The following CCDC6 variants were observed in gnomAD, a reference collection of about 807,000 sequenced individuals.
CCDC6 encodes the protein coiled-coil domain-containing protein 6.
A neutral mutation model predicts 56.6 loss-of-function variants in CCDC6; 20 were observed. The ratio of observed to expected loss-of-function variants is 0.35; its 90% CI spans 0.25 to 0.51. The LOEUF (loss-of-function observed/expected upper bound fraction) is 0.51, where lower values mean the gene tolerates loss of function less well. Ranked by LOEUF, CCDC6 falls within the 20% of genes least tolerant of loss-of-function variation. The pLI is 0.95. For missense variants in CCDC6, 367 were observed against 601.1 expected, an observed-to-expected ratio of 0.61 and a Z score of 4.07; for synonymous variants, 241 against 234.4, an observed-to-expected ratio of 1.03 and a Z score of -0.26.
Position 59,806,999 on chromosome 10 carries a change from C to A in CCDC6, c.927G>T (p.Gln309His), listed in dbSNP as rs778654666. ...EENLRLQRKL[Q>H]REMERREALC... ...GGGCTTCTCTTCTCTCCATCTCCCT[C>A]TGCAGCTTCCTCTGGAGCCTCAAGT... Residue 309 changes from glutamine to histidine, a missense_variant, in exon 6 of 9, where the codon CAG (glutamine) becomes CAT (histidine). Transcript: ENST00000263102. 1 of 1,614,048 alleles carries A rather than the reference C, an allele frequency of 6.2e-7. No individual in the cohort carries two copies. The highest frequency in any genetic ancestry group is 8.5e-7 in the Non-Finnish European group (1 of 1,179,938).
intron 2 of CCDC6, among the ~76,000 whole-genome samples, chr10:59,844,358 G>A (rs2070969948): frequency 6.6e-6 from 1 of 150,434 alleles, no homozygotes; most frequent in Non-Finnish European, 1.5e-5. Context: ...GAGTTTCCTG[G>A]ATTTCCAGGA....
chr10:59,841,680 T>G (rs182084555), intron 2 of CCDC6, among the ~76,000 whole-genome samples: 11 of 152,162 alleles, frequency 7.2e-5, no homozygotes, highest in Middle Eastern at 3.4e-3. Context: ...TGTTTGTTTT[T>G]TTTTTTTGAG....
intron 5 of CCDC6, among the ~76,000 whole-genome samples, chr10:59,808,998 A>T (rs2070650924): frequency 6.6e-6 from 1 of 152,246 alleles, no homozygotes; most frequent in African/African-American, 2.4e-5. Flanking sequence ...TCTAATCCAG[A>T]CACAAAAATC....
intron 1 of CCDC6, among the ~76,000 whole-genome samples, chr10:59,892,915 C>A (rs992623365): frequency 8.6e-5 from 13 of 151,802 alleles, no homozygotes; most frequent in Non-Finnish European, 2.9e-5. Context: ...ATCCCGCTGC[C>A]CAGCACCAAT....
intron 1 of CCDC6, among the ~76,000 whole-genome samples, chr10:59,872,479 C>T (rs753187223): frequency 6.6e-5 from 10 of 152,150 alleles, no homozygotes; most frequent in Non-Finnish European, 1.5e-4. Context: ...CTTGCTCGTG[C>T]GAAGGTGTCC....
intron 2 of CCDC6, among the ~76,000 whole-genome samples, chr10:59,840,001 T>C (rs2070922552): frequency 6.6e-6 from 1 of 152,170 alleles, no homozygotes; most frequent in Admixed American, 6.5e-5. Context: ...AATTTTTCTA[T>C]TTTTAGTAGA....
intron 2 of CCDC6, among the ~76,000 whole-genome samples, chr10:59,833,832 A>G (rs1461782558): frequency 6.6e-6 from 1 of 152,190 alleles, no homozygotes; most frequent in African/African-American, 2.4e-5. Flanking sequence ...GGTTCTTCAC[A>G]TGCATTTAGA....
rs574852710 is a variant in CCDC6, at chr10:59,834,166, T to C, written c.454-1513A>G. ...GAGGCAAGCCTGATCATCCTCAAAATGGCTACAAGTAACACTCTCCACATT... is the reference window on the plus strand; with the variant it reads ...GAGGCAAGCCTGATCATCCTCAAAACGGCTACAAGTAACACTCTCCACATT... On this transcript the variant is annotated intron_variant, in intron 2 of 8. Coordinates refer to ENST00000263102, the MANE Select transcript of CCDC6 (RefSeq NM_005436.5). Among the ~76,000 whole-genome samples the C allele has an allele frequency of 2.0e-5, 3 of 152,116 alleles. No individual in the cohort carries two copies. In the East Asian group the frequency reaches 5.8e-4, roughly 29 times the overall value.
chr10:59,810,037 T>C (rs1035256888), intron 5 of CCDC6, among the ~76,000 whole-genome samples: 1 of 152,186 alleles, frequency 6.6e-6, no homozygotes, highest in African/African-American at 2.4e-5. Flanking sequence ...CCCAAGCCAA[T>C]TCAGTCAGAA....
At chr10:59,824,896 T>G (rs1449131689) in intron 3 of CCDC6, among the ~76,000 whole-genome samples, 1 of 152,238 alleles carries the variant, frequency 6.6e-6, no homozygotes, top group Non-Finnish European at 1.5e-5. Flanking sequence ...ATAACTAAAC[T>G]ACAAAGTATG....
At chr10:59,796,970 CAAA>C (rs56723229) in intron 7 of CCDC6, among the ~76,000 whole-genome samples, 14,145 of 120,020 alleles carry the variant, frequency 0.12, 1,066 homozygotes, top group African/African-American at 0.22. Context: ...GATTCCATCT[CAAA>C]AAAAAAAAAA....
Position 59,792,596 on chromosome 10 carries a change from A to G in CCDC6, c.*321T>C, listed in dbSNP as rs778658691. The G allele has an allele frequency of 4.5e-6, 3 of 663,208 alleles. No homozygotes were observed. The highest frequency in any genetic ancestry group is 8.5e-6 in the Non-Finnish European group (3 of 353,738). 41.1% of individuals were successfully genotyped at this position (663,208 alleles called of 1,614,324 possible). A position where few individuals can be genotyped will look rare whatever the true frequency, so the allele number is the denominator to read the frequency against. On this transcript the variant is annotated 3_prime_UTR_variant, in exon 9 of 9. Coordinates refer to ENST00000263102, the MANE Select transcript of CCDC6 (RefSeq NM_005436.5). ...TTCTTTTACAAACCTAAAAGCCAGG[A>G]GAATGAAGCTCTGGGCCAAGCAAAA...
chr10:59,822,188 T>C (rs1395842030), intron 3 of CCDC6, among the ~76,000 whole-genome samples: 2 of 152,238 alleles, frequency 1.3e-5, no homozygotes. Context: ...CTGTAAGAAT[T>C]AGATTTGTTC....
chr10:59,831,791 C>T (rs1484337105), intron 3 of CCDC6, among the ~76,000 whole-genome samples: 3 of 152,316 alleles, frequency 2.0e-5, no homozygotes, highest in Admixed American at 6.5e-5. Context: ...CCAGAGTTCT[C>T]TGTGATAATG....
intron 1 of CCDC6, among the ~76,000 whole-genome samples, chr10:59,900,961 G>A (rs1438060925): frequency 6.6e-6 from 1 of 152,114 alleles, no homozygotes; most frequent in Non-Finnish European, 1.5e-5. Context: ...GGGAGGCTGA[G>A]GCATGAGAAT....
chr10:59,903,477 C>CA (rs913734594), intron 1 of CCDC6, among the ~76,000 whole-genome samples: 1 of 152,030 alleles, frequency 6.6e-6, no homozygotes, highest in African/African-American at 2.4e-5. Flanking sequence ...TATTAAAAAA[C>CA]AAAACAAGTC....
intron 3 of CCDC6, among the ~76,000 whole-genome samples, chr10:59,819,332 G>C (rs2070733750): frequency 6.6e-6 from 1 of 152,182 alleles, no homozygotes; most frequent in African/African-American, 2.4e-5. Flanking sequence ...CCTGAAAAGA[G>C]CAGGGCCTCT....
At chr10:59,857,033 T>G (rs1430127536) in intron 1 of CCDC6, among the ~76,000 whole-genome samples, 1 of 152,240 alleles carries the variant, frequency 6.6e-6, no homozygotes, top group Non-Finnish European at 1.5e-5. Flanking sequence ...AAATTTGGTA[T>G]AATCATAATC....
At chr10:59,902,032 T>C (rs1347651540) in intron 1 of CCDC6, among the ~76,000 whole-genome samples, 1 of 152,236 alleles carries the variant, frequency 6.6e-6, no homozygotes, top group African/African-American at 2.4e-5. Flanking sequence ...CAAAATATTC[T>C]ATTCCACTTT....
Sources: allele counts gnomAD v4.1 joint callset (sites outside exome capture counted in the v4.1 genomes callset), GRCh38; gene constraint gnomAD v4.1.1; transcripts MANE v1.5; gene names NCBI Gene and HGNC (gene_info 2026-07-23, HGNC 2026-07-21).